PTCHD4: variants seen among roughly 807,000 people sequenced by gnomAD.
The protein encoded by PTCHD4 is patched domain containing 4.
In PTCHD4, 33 loss-of-function variants were observed where a neutral mutation model predicts 58.1. That is an observed-to-expected ratio of 0.57 (90% CI 0.43 to 0.76). The LOEUF is 0.76. Ranked by LOEUF, PTCHD4 falls within the 30% of genes least tolerant of loss-of-function variation. PTCHD4 has a pLI of 0.00. For synonymous variants in PTCHD4, 478 were observed against 409.6 expected (o/e 1.17, Z -2.02); for missense variants, 1,058 against 1,027.1 (o/e 1.03, Z -0.41).
At chr6:48,061,935 G>A (rs983792065) in intron 3 of PTCHD4, among the ~76,000 whole-genome samples, 2 of 152,078 alleles carry the variant, frequency 1.3e-5, no homozygotes, top group Non-Finnish European at 2.9e-5. Flanking sequence ...CCAATCAAAA[G>A]GTGTCTTGGG....
intron 3 of PTCHD4, among the ~76,000 whole-genome samples, chr6:48,055,981 T>C (rs947681908): frequency 6.6e-6 from 1 of 152,210 alleles, no homozygotes; most frequent in Non-Finnish European, 1.5e-5. Flanking sequence ...TATGGAATAT[T>C]AGGATGGTAT....
chr6:48,036,195 A>C (rs962362922), intron 3 of PTCHD4, among the ~76,000 whole-genome samples: 14 of 152,090 alleles, frequency 9.2e-5, no homozygotes, highest in African/African-American at 3.4e-4. Flanking sequence ...GTATAAGCAG[A>C]GAGATACTTA....
chr6:47,952,841 A>G (rs1766705394), intron 4 of PTCHD4, among the ~76,000 whole-genome samples: 1 of 152,056 alleles, frequency 6.6e-6, no homozygotes, highest in African/African-American at 2.4e-5. Flanking sequence ...CATTTCTCAG[A>G]ACATTTCTCT....
intron 4 of PTCHD4, among the ~76,000 whole-genome samples, chr6:47,918,219 A>G (rs150447907): frequency 0.022 from 2,577 of 114,644 alleles, 68 homozygotes; most frequent in African/African-American, 0.066. Flanking sequence ...CATTTTGTGC[A>G]TATTACTGTA....
At chr6:48,065,463 T>C (rs1764763949) in intron 3 of PTCHD4, among the ~76,000 whole-genome samples, 1 of 152,204 alleles carries the variant, frequency 6.6e-6, no homozygotes, top group Non-Finnish European at 1.5e-5. Flanking sequence ...CACCAGGAGT[T>C]CTCACATGTT....
chr6:48,109,135 A>G (rs1464604319), intron 1 of PTCHD4, among the ~76,000 whole-genome samples: 1 of 152,190 alleles, frequency 6.6e-6, no homozygotes, highest in Non-Finnish European at 1.5e-5. Context: ...GTACTGTTTT[A>G]AATGACATCT....
chr6:47,945,880 G>A lies in PTCHD4; in HGVS notation c.898+62754C>T, dbSNP rs186670530. Among the ~76,000 whole-genome samples, 130 of 151,642 alleles carry A rather than the reference G, an allele frequency of 8.6e-4. 1 individual carries two copies. The Middle Eastern group carries it at 0.014, about 17-fold the overall frequency. ...TTAGTGACCTTATATTTTAGTTAAT[G>A]TAAATATTACCAATTTAGCTTCATT... On this transcript the variant is annotated intron_variant, in intron 4 of 4. Transcript: ENST00000339488.
In PTCHD4 at chr6:48,072,124, G is replaced by A. The variant is rs186511592; in HGVS notation, c.-969-2198C>T. ...CTGTACTGTGTTTTTTTGGACAGAA[G>A]TCACTATGTGCAGCTTACACTTAAG... On this transcript the variant is annotated intron_variant, in intron 1 of 4. Transcript: ENST00000339488. Among the ~76,000 whole-genome samples the A allele has an allele frequency of 7.9e-5, 12 of 152,184 alleles. No homozygotes were observed. In the East Asian group the frequency reaches 2.3e-3, roughly 29 times the overall value.
chr6:47,945,296 T>C (rs1561970706), intron 4 of PTCHD4, among the ~76,000 whole-genome samples: 1 of 152,100 alleles, frequency 6.6e-6, no homozygotes. Flanking sequence ...TTATTCAATT[T>C]GAGAAGTATA....
At chr6:47,988,330 A>G (rs1446882444) in intron 4 of PTCHD4, among the ~76,000 whole-genome samples, 1 of 152,206 alleles carries the variant, frequency 6.6e-6, no homozygotes, top group Non-Finnish European at 1.5e-5. Flanking sequence ...AAACACCCAT[A>G]CAATTTTTTG....
chr6:48,110,792 A>AATATATATAT (rs368749348), intron 1 of PTCHD4, among the ~76,000 whole-genome samples: 3 of 142,842 alleles, frequency 2.1e-5, no homozygotes, highest in Admixed American at 7.1e-5. Context: ...TATATATATA[A>AATATATATAT]ATATATATAT....
intron 4 of PTCHD4, among the ~76,000 whole-genome samples, chr6:47,971,123 G>T (rs942918664): frequency 6.6e-5 from 10 of 152,104 alleles, no homozygotes; most frequent in African/African-American, 2.4e-4. Flanking sequence ...GGAGAGCCTT[G>T]AAGTCGGAAC....
chr6:48,072,353 T>C (rs1764991561), intron 1 of PTCHD4, among the ~76,000 whole-genome samples: 1 of 152,240 alleles, frequency 6.6e-6, no homozygotes, highest in African/African-American at 2.4e-5. Context: ...ACTTTCTTGC[T>C]TAAATTTTTC....
chr6:48,083,476 A>G (rs1765203792), intron 1 of PTCHD4, among the ~76,000 whole-genome samples: 1 of 152,134 alleles, frequency 6.6e-6, no homozygotes. Flanking sequence ...ATGGCCCTAG[A>G]TATATGTCTA....
At position 47,977,383 on chromosome 6, in the gene PTCHD4, T is replaced by C. The variant is rs182260435; in HGVS notation, c.898+31251A>G. Among the ~76,000 whole-genome samples the C allele has an allele frequency of 5.3e-4, 81 of 152,320 alleles. 1 individual carries two copies. The highest frequency in any genetic ancestry group is 4.5e-3 in the Admixed American group (69 of 15,300). ...TTGTAAATTCTCTTGAGGGCTTTGA[T>C]GAAGCAAGTTGGCATCTTGAAGAGT... is the stretch of plus-strand genomic sequence containing the variant. On this transcript the variant is annotated intron_variant, in intron 4 of 4. Transcript: ENST00000339488.
Position 47,868,113 on chromosome 6 carries a change from A to G in PTCHD4, c.*10190T>C, listed in dbSNP as rs913309260. ...AAGCTAATGAACAGAAACTAAATAA[A>G]AAAAAGGTTTCAGTTCAGTTGTTTA... On this transcript the variant is annotated 3_prime_UTR_variant, in exon 5 of 5. Coordinates refer to ENST00000339488, the MANE Select transcript of PTCHD4 (RefSeq NM_001384253.1). Among the ~76,000 whole-genome samples the G allele has an allele frequency of 6.6e-6, 1 of 151,756 alleles. No homozygotes were observed. The highest frequency in any genetic ancestry group is 1.5e-5 in the Non-Finnish European group (1 of 67,798).
intron 3 of PTCHD4, among the ~76,000 whole-genome samples, chr6:48,020,276 T>C (rs1277281374): frequency 6.6e-6 from 1 of 151,190 alleles, no homozygotes; most frequent in East Asian, 1.9e-4. Flanking sequence ...AAAAAAGAGG[T>C]TTTTCAGATC....
chr6:48,021,651 T>G (rs1763076057), intron 3 of PTCHD4, among the ~76,000 whole-genome samples: 2 of 152,182 alleles, frequency 1.3e-5, no homozygotes, highest in Admixed American at 1.3e-4. Context: ...TTGTAATTGC[T>G]GAAGTCTGGA....
At chr6:48,034,175 G>T (rs1013892638) in intron 3 of PTCHD4, among the ~76,000 whole-genome samples, 5 of 152,124 alleles carry the variant, frequency 3.3e-5, no homozygotes, top group African/African-American at 1.2e-4. Context: ...AAAACAGGAA[G>T]TTTGGGTATA....
Sources: gnomAD v4.1 joint callset for allele counts (sites outside exome capture counted in the v4.1 genomes callset) on GRCh38, gnomAD v4.1.1 for gene constraint, MANE v1.5 for transcripts, NCBI Gene and HGNC (gene_info 2026-07-23, HGNC 2026-07-21) for gene names.